RPS6KC1: variants seen among roughly 807,000 people sequenced by gnomAD.
RPS6KC1 encodes ribosomal protein S6 kinase C1.
A neutral mutation model predicts 103.8 loss-of-function variants in RPS6KC1; 54 were observed. That is an observed-to-expected ratio of 0.52 (90% CI 0.42 to 0.65). The LOEUF is 0.65. Among genes scored for constraint, RPS6KC1 ranks in the 30% least tolerant of loss-of-function variants. RPS6KC1 has a pLI of 0.00. For missense variants in RPS6KC1, 1,151 were observed against 1,253.8 expected (o/e 0.92, Z 1.24); for synonymous variants, 439 against 438.7 (o/e 1.00, Z -0.01).
chr1:213,549,905 A>G, the RPS6KC1 span, among the ~76,000 whole-genome samples: 4 of 151,780 alleles, frequency 2.6e-5, no homozygotes, highest in Admixed American at 1.3e-4. Context: ...AGAAGCAAGC[A>G]CCACACCCAG....
rs552224134 is a variant in RPS6KC1 at position 213,052,657 on chromosome 1, C to T, written c.105+1148C>T. On this transcript the variant is annotated intron_variant, in intron 1 of 14. Transcript: ENST00000366960. The stretch of plus-strand genomic sequence containing the variant: ...CTGAGTTCAAGCGATTCTCCTACCT[C>T]AGCCTCCCGAGTAGCTGGGATTACA... Among the ~76,000 whole-genome samples, 13 of 152,248 alleles carry T rather than the reference C, an allele frequency of 8.5e-5. No homozygotes were observed. The South Asian group carries it at 2.7e-3, about 32-fold the overall frequency.
At chr1:213,181,479 A>G (rs193205770) in intron 8 of RPS6KC1, among the ~76,000 whole-genome samples, 222 of 152,364 alleles carry the variant, frequency 1.5e-3, no homozygotes, top group Non-Finnish European at 2.4e-3. Flanking sequence ...TAGCTAAAAT[A>G]TAATTGAGAA....
At chr1:213,069,723 A>G (rs539965650) in intron 1 of RPS6KC1, among the ~76,000 whole-genome samples, 2 of 152,318 alleles carry the variant, frequency 1.3e-5, no homozygotes, top group East Asian at 3.9e-4. Flanking sequence ...TTAAGAAAGT[A>G]AGGGAATAAA....
chr1:213,236,688 G>A (rs1159938081), intron 10 of RPS6KC1, among the ~76,000 whole-genome samples: 1 of 151,968 alleles, frequency 6.6e-6, no homozygotes, highest in African/African-American at 2.4e-5. Flanking sequence ...CAAAATACTT[G>A]GTATTTAGAA....
At chr1:213,100,973 A>G (rs1267583290) in intron 3 of RPS6KC1, among the ~76,000 whole-genome samples, 1 of 152,214 alleles carries the variant, frequency 6.6e-6, no homozygotes, top group Non-Finnish European at 1.5e-5. Flanking sequence ...GCTGGATCAA[A>G]TGGTAATTTT....
chr1:213,799,408 G>T, the RPS6KC1 span, among the ~76,000 whole-genome samples: 1 of 152,162 alleles, frequency 6.6e-6, no homozygotes, highest in Non-Finnish European at 1.5e-5. Context: ...GAGCCATTGG[G>T]CCTAGAGATC....
At chr1:213,581,756 G>T in the RPS6KC1 span, among the ~76,000 whole-genome samples, 2 of 152,120 alleles carry the variant, frequency 1.3e-5, no homozygotes, top group Non-Finnish European at 2.9e-5. Context: ...TTCTTCTACT[G>T]CTGTCTACTT....
chr1:213,514,418 G>C, the RPS6KC1 span, among the ~76,000 whole-genome samples: 1 of 130,480 alleles, frequency 7.7e-6, no homozygotes, highest in Admixed American at 9.5e-5. Context: ...GTGTGATGTT[G>C]CACTTCCTCT....
the RPS6KC1 span, among the ~76,000 whole-genome samples, chr1:213,598,858 T>C: frequency 6.6e-6 from 1 of 151,870 alleles, no homozygotes; most frequent in Non-Finnish European, 1.5e-5. Flanking sequence ...GAAGCGGAGG[T>C]TGAGGTGAGC....
At chr1:213,702,540 T>G in the RPS6KC1 span, among the ~76,000 whole-genome samples, 3 of 151,930 alleles carry the variant, frequency 2.0e-5, no homozygotes, top group African/African-American at 7.2e-5. Context: ...ATTATTGTTT[T>G]GGGGCCTCTC....
At chr1:213,231,390 T>C (rs2094102467) in intron 9 of RPS6KC1, among the ~76,000 whole-genome samples, 1 of 152,230 alleles carries the variant, frequency 6.6e-6, no homozygotes, top group Non-Finnish European at 1.5e-5. Flanking sequence ...GAACCCTCAA[T>C]TTTGAAATTT....
the RPS6KC1 span, among the ~76,000 whole-genome samples, chr1:213,361,313 G>A: frequency 2.0e-5 from 3 of 152,256 alleles, no homozygotes; most frequent in Non-Finnish European, 4.4e-5. Flanking sequence ...AGACTGCTGT[G>A]CTAGCAATGA....
chr1:213,670,329 T>A, the RPS6KC1 span, among the ~76,000 whole-genome samples: 1 of 152,330 alleles, frequency 6.6e-6, no homozygotes, highest in African/African-American at 2.4e-5. Flanking sequence ...TTGGCCAGCC[T>A]GTTTTCGTTG....
chr1:213,642,034 T>C, the RPS6KC1 span, among the ~76,000 whole-genome samples: 1 of 151,758 alleles, frequency 6.6e-6, no homozygotes, highest in Non-Finnish European at 1.5e-5. Context: ...GAAAGAGAAA[T>C]ATAAGAATTT....
the RPS6KC1 span, among the ~76,000 whole-genome samples, chr1:213,551,359 TGCACCAGGAA>T: frequency 1.3e-5 from 2 of 152,104 alleles, no homozygotes; most frequent in African/African-American, 4.8e-5. Context: ...GGAAGGAAAG[TGCACCAGGAA>T]GTAAAGGAGC....
At chr1:213,580,541 T>C in the RPS6KC1 span, among the ~76,000 whole-genome samples, 1 of 152,066 alleles carries the variant, frequency 6.6e-6, no homozygotes, top group Non-Finnish European at 1.5e-5. Flanking sequence ...CTACTGTGGG[T>C]AAAATGCTAT....
the RPS6KC1 span, among the ~76,000 whole-genome samples, chr1:213,824,761 T>C: frequency 1.3e-5 from 2 of 152,220 alleles, no homozygotes; most frequent in East Asian, 3.8e-4. Flanking sequence ...TCTGCCATGA[T>C]TGTGAGGCCT....
chr1:213,848,035 T>C, the RPS6KC1 span, among the ~76,000 whole-genome samples: 1 of 152,120 alleles, frequency 6.6e-6, no homozygotes, highest in Non-Finnish European at 1.5e-5. Flanking sequence ...AAGTCTTCTA[T>C]AACGACACAA....
chr1:213,845,571 C>T, the RPS6KC1 span, among the ~76,000 whole-genome samples: 2 of 152,098 alleles, frequency 1.3e-5, no homozygotes, highest in East Asian at 3.9e-4. Context: ...CTATGAAATC[C>T]AAATAAGTTA....
Sources: gnomAD v4.1 joint callset for allele counts (sites outside exome capture counted in the v4.1 genomes callset) on GRCh38, gnomAD v4.1.1 for gene constraint, MANE v1.5 for transcripts, NCBI Gene and HGNC (gene_info 2026-07-23, HGNC 2026-07-21) for gene names.